ERGIC2: variants seen among roughly 807,000 people sequenced by gnomAD.
The protein encoded by ERGIC2 is endoplasmic reticulum-Golgi intermediate compartment protein 2.
Under a neutral mutation model 52.5 loss-of-function variants are expected in ERGIC2, and 31 were observed. The ratio of observed to expected loss-of-function variants is 0.59; its 90% CI spans 0.44 to 0.80. The LOEUF (loss-of-function observed/expected upper bound fraction) is 0.80, where lower values mean the gene tolerates loss of function less well. Among genes scored for constraint, ERGIC2 ranks in the 30% least tolerant of loss-of-function variants. The pLI, the probability that ERGIC2 is intolerant of heterozygous loss-of-function variation, is 0.00. For synonymous variants in ERGIC2, 129 were observed against 140.6 expected (o/e 0.92, Z 0.58); for missense variants, 395 against 455.2 (o/e 0.87, Z 1.20).
At chr12:29,355,017 T>G (rs1207176118) in intron 8 of ERGIC2, among the ~76,000 whole-genome samples, 1 of 152,188 alleles carries the variant, frequency 6.6e-6, no homozygotes, top group East Asian at 1.9e-4. Context: ...TTGTAAATAC[T>G]GAAATACTTT....
rs889931371 is a variant in ERGIC2, at chr12:29,340,600, G to C, written c.*556C>G. 5.1e-6 allele frequency: 1 copy of C among 194,492 alleles called. No homozygotes were observed. The highest frequency in any genetic ancestry group is 1.1e-5 in the Non-Finnish European group (1 of 95,164). 12.0% of individuals were successfully genotyped at this position (194,492 alleles called of 1,614,324 possible). On this transcript the variant is annotated 3_prime_UTR_variant, in exon 14 of 14. Transcript: ENST00000360150. The stretch of plus-strand genomic sequence containing the variant: ...TTAAGACCAAATTATTGGATAACTG[G>C]TCTTGTCAATATGGCTTAACATTAA...
In ERGIC2 at chr12:29,340,742, T is replaced by C. The variant is rs1019323477; in HGVS notation, c.*414A>G. On this transcript the variant is annotated 3_prime_UTR_variant, in exon 14 of 14. Coordinates refer to ENST00000360150, the MANE Select transcript of ERGIC2 (RefSeq NM_016570.3). ...ATGTTTTCCACATTTTATTCTGACA[T>C]CATATCTTTTAAAAACAAAAGGATG... 1.3e-5 allele frequency: 5 copies of C among 399,824 alleles called. No homozygotes were observed. Among genetic ancestry groups the C allele is most frequent in the South Asian group, 5.6e-5 (3 of 53,554 alleles). 24.8% of individuals were successfully genotyped at this position (399,824 alleles called of 1,614,324 possible).
chr12:29,356,572 C>A (rs138714900), intron 7 of ERGIC2, 95 bp from the exon 8 acceptor site: 3 of 614,776 alleles, frequency 4.9e-6, no homozygotes, highest in South Asian at 4.7e-5. Context: ...CCCTAAAGAT[C>A]ATTTTTTAGG....
chr12:29,374,092 G>T (rs573147570), intron 1 of ERGIC2, among the ~76,000 whole-genome samples: 1 of 152,020 alleles, frequency 6.6e-6, no homozygotes, highest in South Asian at 2.1e-4. Context: ...TACATCTCTC[G>T]CAGCACACCT....
At chr12:29,370,368 T>TA (rs1248843735) in intron 2 of ERGIC2, 146 bp from the exon 3 acceptor site, 2 of 936,466 alleles carry the variant, frequency 2.1e-6, no homozygotes, top group Non-Finnish European at 2.9e-6. Context: ...AGAAGGTTTT[T>TA]ATTCAAAATG....
intron 1 of ERGIC2, among the ~76,000 whole-genome samples, chr12:29,371,925 T>C (rs1940446305): frequency 6.6e-6 from 1 of 152,154 alleles, no homozygotes; most frequent in Non-Finnish European, 1.5e-5. Context: ...TTCAATCACA[T>C]GAATAATGTC....
intron 11 of ERGIC2, among the ~76,000 whole-genome samples, chr12:29,344,253 G>GT (rs1254406798): frequency 3.3e-5 from 5 of 152,036 alleles, no homozygotes; most frequent in Non-Finnish European, 7.4e-5. Context: ...TTTGCCCACC[G>GT]TATCTTTGGA....
intron 1 of ERGIC2, among the ~76,000 whole-genome samples, chr12:29,380,240 C>T (rs986695794): frequency 1.3e-5 from 2 of 152,112 alleles, no homozygotes; most frequent in Non-Finnish European, 2.9e-5. Context: ...ACAAGCCAGG[C>T]TCATTCTTTA....
At chr12:29,353,864 A>G (rs1940167777) in intron 8 of ERGIC2, among the ~76,000 whole-genome samples, 1 of 152,118 alleles carries the variant, frequency 6.6e-6, no homozygotes, top group Non-Finnish European at 1.5e-5. Context: ...ACACTTGTTA[A>G]AACTCTGCAT....
At chr12:29,378,309 G>A (rs956668047) in intron 1 of ERGIC2, among the ~76,000 whole-genome samples, 8 of 152,150 alleles carry the variant, frequency 5.3e-5, no homozygotes, top group Non-Finnish European at 1.2e-4. Context: ...CTTTCCTAGA[G>A]TCTTCAAGTC....
At chr12:29,368,670 T>C (rs1940397661) in intron 3 of ERGIC2, among the ~76,000 whole-genome samples, 1 of 151,932 alleles carries the variant, frequency 6.6e-6, no homozygotes, top group Non-Finnish European at 1.5e-5. Flanking sequence ...TTCTTCTCTG[T>C]TTATCAAACA....
intron 6 of ERGIC2, among the ~76,000 whole-genome samples, chr12:29,359,890 C>T (rs1260915624): frequency 6.6e-6 from 1 of 151,786 alleles, no homozygotes; most frequent in African/African-American, 2.4e-5. Flanking sequence ...GCACTTATAA[C>T]AAAGTACTAT....
At chr12:29,371,495 A>C (rs1354787054) in intron 2 of ERGIC2, 33 bp downstream of exon 2, 8 of 1,370,878 alleles carry the variant, frequency 5.8e-6, no homozygotes, top group Non-Finnish European at 8.1e-6. Context: ...AGTTGTACTT[A>C]CTACAGAACT....
At chr12:29,352,373 A>G (rs1433390970) in intron 8 of ERGIC2, among the ~76,000 whole-genome samples, 1 of 152,198 alleles carries the variant, frequency 6.6e-6, no homozygotes, top group Non-Finnish European at 1.5e-5. Context: ...TAAAAATGTA[A>G]AAACCATGTC....
intron 7 of ERGIC2, among the ~76,000 whole-genome samples, chr12:29,357,229 A>G (rs751561438): frequency 5.9e-5 from 9 of 151,980 alleles, no homozygotes; most frequent in Non-Finnish European, 1.2e-4. Flanking sequence ...CTTGGCCTCC[A>G]AAAGTGCTGG....
At chr12:29,345,812 G>A (rs1940040895) in intron 10 of ERGIC2, among the ~76,000 whole-genome samples, 1 of 151,946 alleles carries the variant, frequency 6.6e-6, no homozygotes, top group African/African-American at 2.4e-5. Flanking sequence ...TGGGCATGGT[G>A]GTATGCACCT....
intron 6 of ERGIC2, among the ~76,000 whole-genome samples, chr12:29,361,426 C>T (rs1293235763): frequency 6.6e-6 from 1 of 152,082 alleles, no homozygotes. Context: ...TAAATAAAAA[C>T]TAAAACTTAT....
At chr12:29,341,863 T>C (rs776008050) in intron 12 of ERGIC2, 47 bp from the exon 13 acceptor site, 22 of 922,740 alleles carry the variant, frequency 2.4e-5, no homozygotes, top group Non-Finnish European at 3.5e-5. Context: ...CCTAAACTGT[T>C]ATTTAAGAAT....
Position 29,342,915 on chromosome 12 carries a change from T to C in ERGIC2, c.988+205A>G, listed in dbSNP as rs75502106. Among the ~76,000 whole-genome samples the C allele has an allele frequency of 9.1e-3, 1,385 of 152,332 alleles. 23 individuals are homozygous for C. The highest frequency in any genetic ancestry group is 0.032 in the African/African-American group (1,326 of 41,566). On this transcript the variant is annotated intron_variant, in intron 12 of 13. Transcript: ENST00000360150. ...CCAGGATCTTTCCAACTCACCATTA[T>C]ATAATCTACCTTACATCATTGAATA...
Sources: allele counts gnomAD v4.1 joint callset (sites outside exome capture counted in the v4.1 genomes callset), GRCh38; gene constraint gnomAD v4.1.1; transcripts MANE v1.5; gene names NCBI Gene and HGNC (gene_info 2026-07-23, HGNC 2026-07-21).